HNRNPUL1: variants seen among roughly 807,000 people sequenced by gnomAD.
The protein encoded by HNRNPUL1 is heterogeneous nuclear ribonucleoprotein U like 1, also known as heterogeneous nuclear ribonucleoprotein U-like protein 1.
HNRNPUL1 carries 14 observed loss-of-function variants against 108.5 expected under a neutral mutation model. The ratio of observed to expected loss-of-function variants is 0.13; its 90% CI spans 0.09 to 0.20. The LOEUF is 0.20. HNRNPUL1 is among the 10% of genes least tolerant of loss of function. The pLI, the probability that HNRNPUL1 is intolerant of heterozygous loss-of-function variation, is 1.00. For missense variants in HNRNPUL1, 804 were observed against 1,168.3 expected, an observed-to-expected ratio of 0.69 and a Z score of 4.55; for synonymous variants, 422 against 445.2, an observed-to-expected ratio of 0.95 and a Z score of 0.66.
chr19:41,264,160 C>T (rs888100093), upstream of HNRNPUL1, among the ~76,000 whole-genome samples: 3 of 152,266 alleles, frequency 2.0e-5, no homozygotes, highest in African/African-American at 4.8e-5. Context: ...CGCCTCCTGC[C>T]TTTTCCCGCC....
chr19:41,306,576 C>A lies in HNRNPUL1; in HGVS notation c.*11C>A. On this transcript the variant is annotated 3_prime_UTR_variant, in exon 15 of 15. Coordinates refer to ENST00000392006, the MANE Select transcript of HNRNPUL1 (RefSeq NM_007040.6). ...ACAAGTACACAGTAGCCAGTGTGAC[C>A]CAGAGGCTCCCGGAGGCCCCTGCCG... is the stretch of plus-strand genomic sequence containing the variant. The A allele has an allele frequency of 6.8e-7, 1 of 1,469,760 alleles. No individual in the cohort carries two copies. The highest frequency in any genetic ancestry group is 9.1e-7 in the Non-Finnish European group (1 of 1,101,714). The allele number at this position is 1,469,760 out of a possible 1,614,324, so 91.0% of individuals were successfully genotyped here.
chr19:41,303,469 C>T (rs1288622705), intron 12 of HNRNPUL1, among the ~76,000 whole-genome samples: 4 of 151,938 alleles, frequency 2.6e-5, no homozygotes, highest in African/African-American at 9.7e-5. Flanking sequence ...ATTCTCTCGC[C>T]TCAGTCTCCT....
At chr19:41,276,515 A>G (rs1011088723) in intron 5 of HNRNPUL1, 14 of 466,982 alleles carry the variant, frequency 3.0e-5, no homozygotes, top group Non-Finnish European at 5.3e-5. Flanking sequence ...CATCAAGCAG[A>G]TATTTCCTTG....
chr19:41,281,137 C>T, intron 6 of HNRNPUL1, 26 bp from the exon 7 acceptor site: 1 of 1,525,572 alleles, frequency 6.6e-7, no homozygotes, highest in Non-Finnish European at 9.1e-7. Flanking sequence ...CAGGTTTAAC[C>T]TGCCTTTGCC....
intron 7 of HNRNPUL1, chr19:41,291,995 A>C (rs896474895): frequency 1.8e-4 from 56 of 309,982 alleles, no homozygotes; most frequent in South Asian, 2.6e-4. Flanking sequence ...AAAAAAAAAC[A>C]AAAAAAAAAA....
intron 7 of HNRNPUL1, among the ~76,000 whole-genome samples, chr19:41,287,772 C>A (rs1188574994): frequency 6.6e-6 from 1 of 152,054 alleles, no homozygotes; most frequent in African/African-American, 2.4e-5. Flanking sequence ...GTTGGCCAGG[C>A]TAGTCTCGAA....
At chr19:41,303,879 A>G in intron 12 of HNRNPUL1, 93 bp from the exon 13 acceptor site, 3 of 1,480,436 alleles carry the variant, frequency 2.0e-6, no homozygotes, top group Non-Finnish European at 2.7e-6. Context: ...GCGCCTGGCC[A>G]TGCCGGCTCA....
At position 41,303,852 on chromosome 19, in the gene HNRNPUL1, C is replaced by T. The variant is rs1245890881; in HGVS notation, c.1973-120C>T. Reference sequence around the variant, plus strand: ...CCCAGAGGACATGCTTTGTTGTTCACCTTGAGTTCTTGCTCTGCGCCTGGC... The same window carrying T: ...CCCAGAGGACATGCTTTGTTGTTCATCTTGAGTTCTTGCTCTGCGCCTGGC... On this transcript the variant is annotated intron_variant, in intron 12 of 14. Transcript: ENST00000392006. 3 of 1,231,280 alleles carry T rather than the reference C, an allele frequency of 2.4e-6. No individual in the cohort carries two copies. In the Admixed American group the frequency reaches 6.7e-5, roughly 27 times the overall value. 76.3% of individuals were successfully genotyped at this position (1,231,280 alleles called of 1,614,324 possible).
chr19:41,305,208 G>A (rs1333618232), intron 13 of HNRNPUL1, among the ~76,000 whole-genome samples: 1 of 152,190 alleles, frequency 6.6e-6, no homozygotes, highest in Non-Finnish European at 1.5e-5. Context: ...ATTATATGAT[G>A]TAATGATCCA....
At chr19:41,278,044 T>C (rs2035677726) in intron 5 of HNRNPUL1, among the ~76,000 whole-genome samples, 1 of 151,562 alleles carries the variant, frequency 6.6e-6, no homozygotes, top group South Asian at 2.1e-4. Flanking sequence ...TTGTTTTTTG[T>C]TTGTTTGATT....
intron 2 of HNRNPUL1, 66 bp from the exon 3 acceptor site, chr19:41,272,016 G>T: frequency 6.4e-7 from 1 of 1,558,690 alleles, no homozygotes; most frequent in South Asian, 1.2e-5. Context: ...AGGGAAAAGG[G>T]ACCAGAAAAG....
Position 41,294,615 on chromosome 19 carries a change from C to G in HNRNPUL1, c.1447C>G (p.Gln483Glu), listed in dbSNP as rs762757970. Residue 483 changes from glutamine to glutamate, a missense_variant, in exon 10 of 15, where the codon CAG becomes GAG. Coordinates refer to ENST00000392006, the MANE Select transcript of HNRNPUL1 (RefSeq NM_007040.6). The surrounding 1 kb of genome is among the most constrained non-coding windows in gnomAD (Gnocchi z 4.3). ...TGGCCGCTGGGATGTCCTGATCCAG[C>G]AGGCCACCCAGTGCCTCAACCGCCT... ...YAGRWDVLIQ[Q>E]ATQCLNRLIQ... 1.2e-6 allele frequency: 2 copies of G among 1,614,224 alleles called. No individual in the cohort carries two copies. Among genetic ancestry groups the G allele is most frequent in the Admixed American group, 1.7e-5 (1 of 60,032 alleles).
intron 11 of HNRNPUL1, 25 bp downstream of exon 11, chr19:41,301,729 G>A: frequency 6.3e-7 from 1 of 1,596,444 alleles, no homozygotes; most frequent in Non-Finnish European, 8.5e-7. Context: ...CTTCCCAGAG[G>A]AACGTCAATG....
In HNRNPUL1 at chr19:41,307,153, C is replaced by A. The variant is rs2037590294; in HGVS notation, c.*588C>A. 1 of 151,900 alleles carries A rather than the reference C, an allele frequency of 6.6e-6. No homozygotes were observed. The highest frequency in any genetic ancestry group is 1.5e-5 in the Non-Finnish European group (1 of 67,968). The allele number at this position is 151,900 out of a possible 1,614,324, so 9.4% of individuals were successfully genotyped here. On this transcript the variant is annotated 3_prime_UTR_variant, in exon 15 of 15. Transcript: ENST00000392006. ...AATTTGTCTTTTTACTGTGGGTGGG[C>A]TGTTGATATTTCATCAAGATAAGCA... is the stretch of plus-strand genomic sequence containing the variant.
chr19:41,300,711 T>C (rs1301365336), intron 10 of HNRNPUL1, among the ~76,000 whole-genome samples: 2 of 152,188 alleles, frequency 1.3e-5, no homozygotes, highest in East Asian at 1.9e-4. Context: ...CAACCACATA[T>C]GTGCTAGAGC....
chr19:41,277,096 C>CAAAAA (rs569222478), intron 5 of HNRNPUL1, among the ~76,000 whole-genome samples: 1 of 101,484 alleles, frequency 9.9e-6, no homozygotes, highest in African/African-American at 3.5e-5. Flanking sequence ...GACTCTGTCT[C>CAAAAA]AAAAAAAAAA....
chr19:41,283,351 A>G (rs1363249703), intron 7 of HNRNPUL1, among the ~76,000 whole-genome samples: 2 of 151,816 alleles, frequency 1.3e-5, no homozygotes, highest in African/African-American at 2.4e-5. Flanking sequence ...CGCGATCTCA[A>G]CTCACTGCAA....
intron 10 of HNRNPUL1, among the ~76,000 whole-genome samples, chr19:41,295,492 G>A (rs1180211033): frequency 6.6e-6 from 1 of 152,144 alleles, no homozygotes; most frequent in Non-Finnish European, 1.5e-5. Flanking sequence ...CATGGTTATT[G>A]CCTATGCAAC....
intron 1 of HNRNPUL1, among the ~76,000 whole-genome samples, chr19:41,267,705 CCTAA>C (rs1407793847): frequency 1.3e-5 from 2 of 152,188 alleles, no homozygotes; most frequent in Non-Finnish European, 2.9e-5. Flanking sequence ...CCCTTGGGGC[CCTAA>C]CTGAGAGCTA....
Sources: allele counts gnomAD v4.1 joint callset (sites outside exome capture counted in the v4.1 genomes callset), GRCh38; gene constraint gnomAD v4.1.1; non-coding constraint Gnocchi (gnomAD v3.1); transcripts MANE v1.5; gene names NCBI Gene and HGNC (gene_info 2026-07-23, HGNC 2026-07-21).